ODAD2: variants seen among roughly 807,000 people sequenced by gnomAD.
ODAD2 encodes the protein outer dynein arm-docking complex subunit 2.
A neutral mutation model predicts 106.8 loss-of-function variants in ODAD2; 89 were observed. That is an observed-to-expected ratio of 0.83 (90% confidence interval 0.70 to 0.99). ODAD2 has a LOEUF of 0.99. Among genes scored for constraint, ODAD2 ranks in the 50% least tolerant of loss-of-function variants. The pLI, the probability that ODAD2 is intolerant of heterozygous loss-of-function variation, is 0.00. For missense variants in ODAD2, 1,168 were observed against 1,238.5 expected (o/e 0.94, Z 0.85); for synonymous variants, 404 against 436.2 (o/e 0.93, Z 0.92).
Position 27,812,382 on chromosome 10 carries a change from T to C in ODAD2, c.*130A>G, listed in dbSNP as rs1061577. The C allele has an allele frequency of 0.12, 94,733 of 765,212 alleles. 6,600 individuals are homozygous for C. The highest frequency in any genetic ancestry group is 0.15 in the Non-Finnish European group (72,131 of 486,966). The allele number at this position is 765,212 out of a possible 1,614,324, so 47.4% of individuals were successfully genotyped here. A position where few individuals can be genotyped will look rare whatever the true frequency, so the allele number is the denominator to read the frequency against. On this transcript the variant is annotated 3_prime_UTR_variant, in exon 20 of 20. Transcript: ENST00000305242. ...TGAAAAACATTCTGTGCATTTTCAA[T>C]TTGTGTGTTTTCATTTAGATGGTTG...
In ODAD2 at chr10:27,936,932, T is replaced by C. The variant is rs1181718119; in HGVS notation, c.2098-52A>G. 4 of 1,536,480 alleles carry C rather than the reference T, an allele frequency of 2.6e-6. No homozygotes were observed. The South Asian group carries it at 3.8e-5, about 15-fold the overall frequency. On this transcript the variant is annotated intron_variant, in intron 14 of 19. Coordinates refer to ENST00000305242, the MANE Select transcript of ODAD2 (RefSeq NM_018076.5). The stretch of plus-strand genomic sequence containing the variant: ...TCAGTCATCAAGGAATATCAAGCTT[T>C]CAATGATGCTAAAAAGGCTGCCATT...
At chr10:27,871,122 T>C (rs984611573) in intron 17 of ODAD2, among the ~76,000 whole-genome samples, 7 of 152,258 alleles carry the variant, frequency 4.6e-5, no homozygotes, top group South Asian at 4.1e-4. Context: ...TGAGCATTTT[T>C]TCGTGTGTCT....
intron 17 of ODAD2, among the ~76,000 whole-genome samples, chr10:27,864,586 T>TGAGAGTGGGGAGC (rs1840304770): frequency 2.2e-5 from 3 of 136,652 alleles, no homozygotes; most frequent in Non-Finnish European, 3.1e-5. Flanking sequence ...GAATGGGGAG[T>TGAGAGTGGGGAGC]GAGGTGAGAG....
chr10:27,898,226 C>A (rs1324541393), intron 17 of ODAD2, among the ~76,000 whole-genome samples: 1 of 151,942 alleles, frequency 6.6e-6, no homozygotes, highest in Non-Finnish European at 1.5e-5. Context: ...AGGGAAAGGA[C>A]TTTAGTTATT....
At chr10:27,842,501 T>C (rs1033017314) in intron 19 of ODAD2, among the ~76,000 whole-genome samples, 1 of 152,198 alleles carries the variant, frequency 6.6e-6, no homozygotes, top group African/African-American at 2.4e-5. Context: ...AAGCAATATA[T>C]GGGAATGGAG....
intron 16 of ODAD2, among the ~76,000 whole-genome samples, chr10:27,929,907 G>C (rs1324215433): frequency 6.6e-6 from 1 of 151,886 alleles, no homozygotes; most frequent in African/African-American, 2.4e-5. Flanking sequence ...AAGATCTTTT[G>C]GGGTCTTTTT....
intron 4 of ODAD2, among the ~76,000 whole-genome samples, chr10:27,984,671 T>C (rs1306602374): frequency 6.6e-6 from 1 of 152,192 alleles, no homozygotes; most frequent in Non-Finnish European, 1.5e-5. Context: ...CAGAATTGCA[T>C]GAAACCCCAC....
At chr10:27,998,783 A>G (rs946446664) in intron 1 of ODAD2, among the ~76,000 whole-genome samples, 1 of 152,056 alleles carries the variant, frequency 6.6e-6, no homozygotes, top group Non-Finnish European at 1.5e-5. Context: ...GTGAGCGTGG[A>G]GACCCCCAGC....
chr10:27,852,457 C>G (rs1177089472), intron 19 of ODAD2, among the ~76,000 whole-genome samples: 2 of 152,152 alleles, frequency 1.3e-5, no homozygotes, highest in Non-Finnish European at 2.9e-5. Flanking sequence ...TATAACATTA[C>G]TAGAACTTAC....
intron 2 of ODAD2, among the ~76,000 whole-genome samples, chr10:27,990,400 T>C (rs142328573): frequency 7.4e-4 from 113 of 152,370 alleles, no homozygotes; most frequent in African/African-American, 2.5e-3. Context: ...GGCCTTGAAC[T>C]CCTGGGTTCG....
chr10:27,814,067 G>A (rs542568550), intron 19 of ODAD2, among the ~76,000 whole-genome samples: 2 of 152,292 alleles, frequency 1.3e-5, no homozygotes, highest in East Asian at 3.9e-4. Flanking sequence ...ACTAAAGACA[G>A]GGTCCTTGTC....
At chr10:27,877,329 C>G (rs1429941250) in intron 17 of ODAD2, among the ~76,000 whole-genome samples, 3 of 152,204 alleles carry the variant, frequency 2.0e-5, no homozygotes, top group African/African-American at 7.2e-5. Context: ...ATCACATCTG[C>G]CTCTGATCCA....
intron 16 of ODAD2, among the ~76,000 whole-genome samples, chr10:27,917,760 T>C (rs1024976660): frequency 6.6e-6 from 1 of 151,836 alleles, no homozygotes; most frequent in Non-Finnish European, 1.5e-5. Context: ...ATAAAGATAA[T>C]TAGCTCACAG....
chr10:27,912,125 A>G (rs889112807), intron 16 of ODAD2, among the ~76,000 whole-genome samples: 3 of 152,200 alleles, frequency 2.0e-5, no homozygotes, highest in African/African-American at 7.2e-5. Flanking sequence ...TGATGGGCTT[A>G]TAGGTGGTGT....
chr10:27,840,521 A>G (rs1356412752), intron 19 of ODAD2, among the ~76,000 whole-genome samples: 1 of 152,164 alleles, frequency 6.6e-6, no homozygotes, highest in East Asian at 1.9e-4. Flanking sequence ...CACTGATTGG[A>G]CAAGGGGGTG....
chr10:27,869,207 A>G (rs1356941544), intron 17 of ODAD2, among the ~76,000 whole-genome samples: 1 of 152,138 alleles, frequency 6.6e-6, no homozygotes, highest in African/African-American at 2.4e-5. Context: ...CTTTGTCAAT[A>G]GAAGATGTGA....
intron 2 of ODAD2, among the ~76,000 whole-genome samples, chr10:27,991,500 A>T (rs1337095678): frequency 6.6e-6 from 1 of 152,226 alleles, no homozygotes; most frequent in Non-Finnish European, 1.5e-5. Context: ...CAGAAAAAGG[A>T]TGATCAAACT....
chr10:27,988,425 C>T (rs1850016481), intron 2 of ODAD2, among the ~76,000 whole-genome samples: 1 of 150,154 alleles, frequency 6.7e-6, no homozygotes, highest in Admixed American at 6.7e-5. Context: ...GCAACCTCTG[C>T]CTCCGGAGCT....
chr10:27,896,049 A>G lies in ODAD2; in HGVS notation c.2610+11614T>C, dbSNP rs145311931. ...CTCTCTCATTTCAAGCGTTCACTAG[A>G]CAAGTGTCTTCAACATTTTGCTCAC... On this transcript the variant is annotated intron_variant, in intron 17 of 19. Coordinates refer to ENST00000305242, the MANE Select transcript of ODAD2 (RefSeq NM_018076.5). Among the ~76,000 whole-genome samples, 1,297 of 152,324 alleles carry G rather than the reference A, an allele frequency of 8.5e-3. 23 individuals carry two copies. Among genetic ancestry groups the G allele is most frequent in the African/African-American group, 0.029 (1,221 of 41,578 alleles).
Sources: gnomAD v4.1 joint callset for allele counts (sites outside exome capture counted in the v4.1 genomes callset) on GRCh38, gnomAD v4.1.1 for gene constraint, MANE v1.5 for transcripts, NCBI Gene and HGNC (gene_info 2026-07-23, HGNC 2026-07-21) for gene names.